ALG12: variants seen among roughly 807,000 people sequenced by gnomAD.
ALG12 encodes the protein dol-P-Man:Man(7)GlcNAc(2)-PP-Dol alpha-1,6-mannosyltransferase.
In ALG12, 36 loss-of-function variants were observed where a neutral mutation model predicts 46.0. That is an observed-to-expected ratio of 0.78 (90% CI 0.60 to 1.03). ALG12 has a LOEUF of 1.03. Among genes scored for constraint, ALG12 ranks in the 50% least tolerant of loss-of-function variants. The pLI, the probability that ALG12 is intolerant of heterozygous loss-of-function variation, is 0.00. For synonymous variants in ALG12, 326 were observed against 291.6 expected (o/e 1.12, Z -1.20); for missense variants, 599 against 633.5 (o/e 0.95, Z 0.58).
the ALG12 span, chr22:49,883,940 C>T: frequency 1.2e-6 from 2 of 1,613,464 alleles, no homozygotes; most frequent in African/African-American, 1.3e-5. Flanking sequence ...TACAGCAGCA[C>T]CCTATACGAC....
rs2060518463 is a variant in ALG12 at position 49,902,591 on chromosome 22, GTA to G, written c.*1245_*1246del. ...TGCACGTGTGCACTGTGTGTGGTGT[GTA>G]TGCATGGTGTGTGCACGTGTGCACT... On this transcript the variant is annotated 3_prime_UTR_variant, in exon 10 of 10. Coordinates refer to ENST00000330817, the MANE Select transcript of ALG12 (RefSeq NM_024105.4). 7.0e-6 allele frequency: 1 copy of G among 142,460 alleles called. No individual in the cohort carries two copies. The highest frequency in any genetic ancestry group is 2.8e-5 in the African/African-American group (1 of 36,270). 8.8% of individuals were successfully genotyped at this position (142,460 alleles called of 1,614,324 possible). A position where few individuals can be genotyped will look rare whatever the true frequency, so the allele number is the denominator to read the frequency against.
chr22:49,888,438 A>G, the ALG12 span: 1 of 167,202 alleles, frequency 6.0e-6, no homozygotes, highest in African/African-American at 2.4e-5. Flanking sequence ...CTTATTTGCA[A>G]TTTTCTAGTG....
the ALG12 span, among the ~76,000 whole-genome samples, chr22:49,874,514 T>C: frequency 6.6e-6 from 1 of 151,332 alleles, no homozygotes; most frequent in Non-Finnish European, 1.5e-5. Flanking sequence ...GCGTCCCAAG[T>C]AGCTGGGATT....
At position 49,905,169 on chromosome 22, in the gene ALG12, A is replaced by G. The variant is rs186395402; in HGVS notation, c.993-663T>C. ...GCCGCCGGTTCTCTCACAATCGACTATGCCAATCTCAGGATCCTACGGCAG... is the reference window on the plus strand; with the variant it reads ...GCCGCCGGTTCTCTCACAATCGACTGTGCCAATCTCAGGATCCTACGGCAG... On this transcript the variant is annotated intron_variant, in intron 7 of 9. Transcript: ENST00000330817. This position sits in a 1 kb window ranked among gnomAD's most constrained non-coding sequence, Gnocchi z 4.9. 3.5e-3 allele frequency among the ~76,000 whole-genome samples: 538 copies of G among 152,302 alleles called. 6 individuals carry two copies. Among genetic ancestry groups the G allele is most frequent in the African/African-American group, 0.012 (494 of 41,562 alleles).
chr22:49,868,150 G>A, the ALG12 span, among the ~76,000 whole-genome samples: 3 of 152,146 alleles, frequency 2.0e-5, no homozygotes, highest in African/African-American at 4.8e-5. Context: ...GTTGGTTAAC[G>A]GAAAGACCTT....
intron 1 of ALG12, among the ~76,000 whole-genome samples, chr22:49,915,045 C>CA (rs1404048387): frequency 1.3e-5 from 2 of 152,178 alleles, no homozygotes; most frequent in Admixed American, 1.3e-4. Context: ...ATCTTTTGAT[C>CA]AAACGGAGAG....
chr22:49,872,772 G>A, the ALG12 span, among the ~76,000 whole-genome samples: 13 of 151,328 alleles, frequency 8.6e-5, no homozygotes, highest in South Asian at 1.9e-3. Context: ...TGACGTGATC[G>A]CGGCTCACTG....
intron 1 of ALG12, among the ~76,000 whole-genome samples, chr22:49,915,270 G>A (rs1214891374): frequency 6.6e-6 from 1 of 152,142 alleles, no homozygotes; most frequent in Admixed American, 6.6e-5. Flanking sequence ...CTCTTTGGGA[G>A]GCTGAGGGCC....
At chr22:49,910,684 C>T in intron 3 of ALG12, 77 bp from the exon 4 acceptor site, 6 of 1,530,776 alleles carry the variant, frequency 3.9e-6, no homozygotes, top group Middle Eastern at 1.7e-4. Context: ...GGTCCTTCTA[C>T]ACAGATCTTT....
the ALG12 span, chr22:49,889,170 C>T: frequency 2.4e-5 from 4 of 167,142 alleles, no homozygotes; most frequent in South Asian, 2.1e-4. Flanking sequence ...TCCGTGGACA[C>T]AGTCTCTAGT....
the ALG12 span, among the ~76,000 whole-genome samples, chr22:49,862,222 C>T: frequency 1.3e-5 from 2 of 152,198 alleles, no homozygotes; most frequent in African/African-American, 4.8e-5. Context: ...GGAACCTATA[C>T]GGAGCGGCCC....
At chr22:49,864,679 G>A in the ALG12 span, among the ~76,000 whole-genome samples, 1 of 151,972 alleles carries the variant, frequency 6.6e-6, no homozygotes, top group African/African-American at 2.4e-5. Flanking sequence ...ATATTAGCCA[G>A]GTGTGGTGAC....
At position 49,903,721 on chromosome 22, in the gene ALG12, C is replaced by T. The variant is rs769221539; in HGVS notation, c.*117G>A. 14 of 1,201,854 alleles carry T rather than the reference C, an allele frequency of 1.2e-5. No individual in the cohort carries two copies. The highest frequency in any genetic ancestry group is 1.9e-5 in the Admixed American group (1 of 52,826). 74.4% of individuals were successfully genotyped at this position (1,201,854 alleles called of 1,614,324 possible). A position where few individuals can be genotyped will look rare whatever the true frequency, so the allele number is the denominator to read the frequency against. On this transcript the variant is annotated 3_prime_UTR_variant, in exon 10 of 10. Transcript: ENST00000330817. ...GTCTGGTGTCTGTCAGAGGCAGGTG[C>T]CCAGTCCTTTGACTTGCTTCTCTGA...
chr22:49,860,998 C>T, the ALG12 span, among the ~76,000 whole-genome samples: 2 of 56,232 alleles, frequency 3.6e-5, no homozygotes, highest in Admixed American at 2.7e-4. Flanking sequence ...AGGCTGGTCT[C>T]GATCTGAGCT....
At position 49,902,485 on chromosome 22, in the gene ALG12, T is replaced by A. The variant is rs1386118928; in HGVS notation, c.*1353A>T. On this transcript the variant is annotated 3_prime_UTR_variant, in exon 10 of 10. Transcript: ENST00000330817. ...GTGTGTGCACGTGTGCACTGTGTGG[T>A]GTGTATGCATGGTGTGTGCACATGT... 8.1e-5 allele frequency: 8 copies of A among 99,172 alleles called. 1 individual carries two copies. Among genetic ancestry groups the A allele is most frequent in the Admixed American group, 6.6e-4 (7 of 10,586 alleles). 6.1% of individuals were successfully genotyped at this position (99,172 alleles called of 1,614,324 possible).
At chr22:49,907,311 A>G (rs902265783) in intron 7 of ALG12, among the ~76,000 whole-genome samples, 1 of 152,190 alleles carries the variant, frequency 6.6e-6, no homozygotes, top group African/African-American at 2.4e-5. Flanking sequence ...CCGCTGGTGC[A>G]TCACCATATG....
chr22:49,916,937 G>C (rs1475309139), intron 1 of ALG12, among the ~76,000 whole-genome samples: 1 of 152,198 alleles, frequency 6.6e-6, no homozygotes. Flanking sequence ...TTCAGCTGTG[G>C]GGTGAAAACA....
the ALG12 span, among the ~76,000 whole-genome samples, chr22:49,871,753 A>ATTTTT: frequency 4.3e-5 from 2 of 46,734 alleles, no homozygotes; most frequent in South Asian, 1.3e-3. Flanking sequence ...TTATTTATTT[A>ATTTTT]TTTATTTTTT....
downstream of ALG12, among the ~76,000 whole-genome samples, chr22:49,896,107 C>T (rs1329148355): frequency 6.6e-6 from 1 of 152,222 alleles, no homozygotes; most frequent in Non-Finnish European, 1.5e-5. Context: ...CACCTTCCTG[C>T]ACAGTCTGTT....
Sources: gnomAD v4.1 joint callset for allele counts (sites outside exome capture counted in the v4.1 genomes callset) on GRCh38, gnomAD v4.1.1 for gene constraint, Gnocchi (gnomAD v3.1) non-coding constraint, MANE v1.5 for transcripts, NCBI Gene and HGNC (gene_info 2026-07-23, HGNC 2026-07-21) for gene names.